Variants in GRID1 observed in about 807,000 individuals in gnomAD.
GRID1 encodes glutamate ionotropic receptor delta type subunit 1.
GRID1 carries 28 observed loss-of-function variants against 98.0 expected under a neutral mutation model. That is an observed-to-expected ratio of 0.29 (90% CI 0.21 to 0.39). The LOEUF (loss-of-function observed/expected upper bound fraction) is 0.39, where lower values mean the gene tolerates loss of function less well. Among genes scored for constraint, GRID1 ranks in the 10% least tolerant of loss-of-function variants. The probability of loss-of-function intolerance (pLI) is 1.00; values close to 1 mark genes in which losing one functional copy is unlikely to be tolerated. For missense variants in GRID1, 1,111 were observed against 1,340.5 expected (o/e 0.83, Z 2.67); for synonymous variants, 553 against 538.5 (o/e 1.03, Z -0.37).
At chr10:86,285,114 C>G (rs57340319) in intron 2 of GRID1, among the ~76,000 whole-genome samples, 8,854 of 142,492 alleles carry the variant, frequency 0.062, 870 homozygotes, top group African/African-American at 0.21. Flanking sequence ...GGGACCTTTG[C>G]CTCTACCCCT....
chr10:85,728,768 A>C (rs1490911940), intron 9 of GRID1, among the ~76,000 whole-genome samples: 1 of 152,088 alleles, frequency 6.6e-6, no homozygotes, highest in Admixed American at 6.5e-5. Context: ...ATAGCTCATT[A>C]ATTTAGTTGT....
chr10:85,868,464 G>C (rs1843244003), intron 6 of GRID1, among the ~76,000 whole-genome samples: 1 of 152,126 alleles, frequency 6.6e-6, no homozygotes, highest in Admixed American at 6.5e-5. Flanking sequence ...GGTACCTCTG[G>C]GCCTTGGAAG....
intron 4 of GRID1, among the ~76,000 whole-genome samples, chr10:85,978,475 G>C (rs534533376): frequency 2.6e-5 from 4 of 152,186 alleles, no homozygotes; most frequent in African/African-American, 9.7e-5. Context: ...AGCATTAATG[G>C]ACTTGACCTT....
intron 4 of GRID1, among the ~76,000 whole-genome samples, chr10:85,982,227 G>T (rs987177419): frequency 6.7e-6 from 1 of 150,288 alleles, no homozygotes; most frequent in Non-Finnish European, 1.5e-5. Context: ...AACTATGTGA[G>T]ATGATGAATG....
chr10:86,174,440 T>A (rs1229795042), intron 3 of GRID1, among the ~76,000 whole-genome samples: 2 of 151,824 alleles, frequency 1.3e-5, no homozygotes, highest in Admixed American at 6.6e-5. Flanking sequence ...GCTAGCCATA[T>A]GTAGAAAGCT....
intron 3 of GRID1, among the ~76,000 whole-genome samples, chr10:86,142,106 G>A (rs937139355): frequency 1.3e-5 from 2 of 152,256 alleles, no homozygotes; most frequent in Non-Finnish European, 2.9e-5. Flanking sequence ...GCCAGCTGCT[G>A]GAGGAATGTG....
At chr10:85,663,495 A>G (rs1355627826) in intron 12 of GRID1, among the ~76,000 whole-genome samples, 2 of 152,202 alleles carry the variant, frequency 1.3e-5, no homozygotes, top group Non-Finnish European at 2.9e-5. Context: ...GAGACAATAA[A>G]TGTTGTCTAA....
intron 15 of GRID1, chr10:85,605,947 C>T (rs1016150200): frequency 1.3e-5 from 2 of 152,196 alleles, no homozygotes; most frequent in African/African-American, 4.8e-5. Context: ...TGGATGACTT[C>T]ACCACTGAAG....
chr10:85,865,904 C>CATATATACATATATATATAT (rs1481200145), intron 6 of GRID1, among the ~76,000 whole-genome samples: 10 of 52,408 alleles, frequency 1.9e-4, no homozygotes, highest in East Asian at 1.2e-3. Flanking sequence ...AAGTGTTTTA[C>CATATATACATATATATATAT]ATATATACAT....
chr10:85,926,309 T>G (rs1564628197), intron 4 of GRID1, among the ~76,000 whole-genome samples: 1 of 152,152 alleles, frequency 6.6e-6, no homozygotes, highest in East Asian at 1.9e-4. Flanking sequence ...AGAAAGTGAC[T>G]GAGAGACCAC....
intron 4 of GRID1, among the ~76,000 whole-genome samples, chr10:86,019,241 C>G (rs375479561): frequency 6.6e-6 from 1 of 152,366 alleles, no homozygotes; most frequent in Non-Finnish European, 1.5e-5. Context: ...CCTGCACACC[C>G]GCATCCCCAG....
In GRID1 at chr10:86,238,282, T is replaced by C. The variant is rs372960929; in HGVS notation, c.236-31634A>G. On this transcript the variant is annotated intron_variant, in intron 2 of 15. Coordinates refer to ENST00000327946, the MANE Select transcript of GRID1 (RefSeq NM_017551.3). Reference sequence around the variant, plus strand: ...GGCCTAGGAGGGAAGAATGGTTTTATAGGCAAGGCCCAGGACCTGCTGCTC... The same window carrying C: ...GGCCTAGGAGGGAAGAATGGTTTTACAGGCAAGGCCCAGGACCTGCTGCTC... Among the ~76,000 whole-genome samples the C allele has an allele frequency of 2.0e-3, 312 of 152,332 alleles. 2 individuals are homozygous for C. Among genetic ancestry groups the C allele is most frequent in the African/African-American group, 7.3e-3 (303 of 41,566 alleles).
rs61856638 is a variant in GRID1, at chr10:86,366,315, G to A, written c.78C>T (p.Ile26=). 0.18 allele frequency: 275,978 copies of A among 1,492,860 alleles called. 32,516 individuals are homozygous for A. The highest frequency in any genetic ancestry group is 0.51 in the East Asian group (17,554 of 34,516). The allele number at this position is 1,492,860 out of a possible 1,614,324, so 92.5% of individuals were successfully genotyped here. Residue 26 remains isoleucine, a splice_region_variant and synonymous_variant, in exon 1 of 16, where the codon ATC becomes ATT. Transcript: ENST00000327946. This position sits in a 1 kb window ranked among gnomAD's most constrained non-coding sequence, Gnocchi z 4.1. ...GGCCCGGCCTCCAGCCGCGCTTACC[G>A]ATGTGGATGATGGAGTCGGCCCGCA... ...VSVRADSIIH[I]GAIFEENAAK...
chr10:85,774,201 C>T (rs1339022987), intron 8 of GRID1, among the ~76,000 whole-genome samples: 1 of 152,044 alleles, frequency 6.6e-6, no homozygotes, highest in African/African-American at 2.4e-5. Context: ...CTTTGACAAA[C>T]CTGAGAAAAA....
chr10:86,074,328 C>T (rs962008227), intron 4 of GRID1, among the ~76,000 whole-genome samples: 5 of 152,190 alleles, frequency 3.3e-5, no homozygotes, highest in South Asian at 2.1e-4. Flanking sequence ...CCCTCCCACT[C>T]GTCCATCTCA....
intron 8 of GRID1, among the ~76,000 whole-genome samples, chr10:85,758,751 C>T (rs1008682891): frequency 1.3e-5 from 2 of 152,168 alleles, no homozygotes; most frequent in African/African-American, 4.8e-5. Context: ...GCCTATCTTC[C>T]TCATAGGGCT....
intron 12 of GRID1, among the ~76,000 whole-genome samples, chr10:85,693,964 A>G (rs536187394): frequency 2.2e-4 from 34 of 152,338 alleles, no homozygotes; most frequent in African/African-American, 7.7e-4. Flanking sequence ...AAGCTAAAGA[A>G]GTAGTCAACA....
At chr10:86,069,000 A>G (rs973309439) in intron 4 of GRID1, among the ~76,000 whole-genome samples, 1 of 151,962 alleles carries the variant, frequency 6.6e-6, no homozygotes, top group Non-Finnish European at 1.5e-5. Context: ...ACAGGCCCCT[A>G]GTCTCCAGCT....
chr10:86,052,991 A>G (rs916920509), intron 4 of GRID1, among the ~76,000 whole-genome samples: 1 of 152,242 alleles, frequency 6.6e-6, no homozygotes, highest in Non-Finnish European at 1.5e-5. Context: ...TGTACCTCAC[A>G]CACAAATGCT....
Sources: allele counts gnomAD v4.1 joint callset (sites outside exome capture counted in the v4.1 genomes callset), GRCh38; gene constraint gnomAD v4.1.1; non-coding constraint Gnocchi (gnomAD v3.1); transcripts MANE v1.5; gene names NCBI Gene and HGNC (gene_info 2026-07-23, HGNC 2026-07-21).